Variants in SNTG1 observed in about 807,000 individuals in gnomAD.
SNTG1 encodes syntrophin gamma 1.
Under a neutral mutation model 74.7 loss-of-function variants are expected in SNTG1, and 39 were observed. The ratio of observed to expected loss-of-function variants is 0.52; its 90% CI spans 0.40 to 0.68. The LOEUF (loss-of-function observed/expected upper bound fraction) is 0.68. Ranked by LOEUF, SNTG1 falls within the 30% of genes least tolerant of loss-of-function variation. The probability of loss-of-function intolerance (pLI) is 0.00; values close to 1 mark genes in which losing one functional copy is unlikely to be tolerated. For synonymous variants in SNTG1, 254 were observed against 217.1 expected (o/e 1.17, Z -1.49); for missense variants, 685 against 609.5 (o/e 1.12, Z -1.30).
chr8:50,090,179 T>G (rs1207820709), intron 1 of SNTG1, among the ~76,000 whole-genome samples: 2 of 152,194 alleles, frequency 1.3e-5, no homozygotes, highest in East Asian at 1.9e-4. Context: ...GAGCAAAGTT[T>G]CAAATTTCAT....
chr8:50,657,135 G>A, intron 14 of SNTG1, 110 bp downstream of exon 14: 2 of 517,172 alleles, frequency 3.9e-6, no homozygotes, highest in Non-Finnish European at 6.5e-6. Context: ...AAATAATATA[G>A]AGAAAAAGTA....
chr8:50,285,814 CA>C (rs71235788), intron 2 of SNTG1, among the ~76,000 whole-genome samples: 99,025 of 133,896 alleles, frequency 0.74, 37,078 homozygotes, highest in East Asian at 0.87. Flanking sequence ...AATATATTTC[CA>C]AAAAAAAAAA....
At chr8:50,727,691 G>T (rs933143944) in intron 17 of SNTG1, among the ~76,000 whole-genome samples, 12 of 152,124 alleles carry the variant, frequency 7.9e-5, no homozygotes, top group African/African-American at 2.9e-4. Flanking sequence ...CCTCATTCTT[G>T]ATTGGCCCTG....
intron 1 of SNTG1, among the ~76,000 whole-genome samples, chr8:49,958,008 T>TA (rs1001668797): frequency 1.1e-4 from 16 of 150,740 alleles, no homozygotes; most frequent in East Asian, 9.7e-4. Context: ...GTCTAGCTCT[T>TA]AAAAAAAAAA....
At chr8:50,562,023 T>G (rs2094491508) in intron 12 of SNTG1, among the ~76,000 whole-genome samples, 1 of 152,212 alleles carries the variant, frequency 6.6e-6, no homozygotes, top group South Asian at 2.1e-4. Context: ...AAAAGATAAC[T>G]GTTCATACAT....
intron 1 of SNTG1, among the ~76,000 whole-genome samples, chr8:49,973,279 C>T (rs982802789): frequency 4.0e-5 from 6 of 151,674 alleles, no homozygotes; most frequent in Admixed American, 6.6e-5. Context: ...AACCAAACAC[C>T]GCATGTTCTC....
chr8:50,039,479 A>G lies in SNTG1; in HGVS notation c.-103+127248A>G, dbSNP rs1053246173. Among the ~76,000 whole-genome samples, 7 of 150,416 alleles carry G rather than the reference A, an allele frequency of 4.7e-5. No homozygotes were observed. The East Asian group carries it at 9.8e-4, about 21-fold the overall frequency. On this transcript the variant is annotated intron_variant, in intron 1 of 18. Coordinates refer to ENST00000642720, the MANE Select transcript of SNTG1 (RefSeq NM_018967.5). Reference sequence around the variant, plus strand: ...CAAAAAAAAAAAAAAAAAAAAAAAAAAAAACTCAAGTTAATTCCTAGGCCA... The same window carrying G: ...CAAAAAAAAAAAAAAAAAAAAAAAAGAAAACTCAAGTTAATTCCTAGGCCA...
intron 11 of SNTG1, 106 bp from the exon 12 acceptor site, chr8:50,552,944 G>T (rs2094435425): frequency 7.5e-7 from 1 of 1,333,642 alleles, no homozygotes. Context: ...TTTGGAGGCT[G>T]ATATTTATAT....
chr8:50,259,640 T>C (rs1043374614), intron 2 of SNTG1, among the ~76,000 whole-genome samples: 2 of 152,060 alleles, frequency 1.3e-5, no homozygotes, highest in African/African-American at 2.4e-5. Flanking sequence ...ACAATCCATC[T>C]TAAAAGAACG....
At chr8:50,672,461 T>C (rs1335257394) in intron 15 of SNTG1, among the ~76,000 whole-genome samples, 2 of 151,942 alleles carry the variant, frequency 1.3e-5, no homozygotes, top group Admixed American at 6.6e-5. Flanking sequence ...TTTTCACATG[T>C]TTTTGGCCAC....
chr8:49,952,984 T>C (rs997415189), intron 1 of SNTG1, among the ~76,000 whole-genome samples: 31 of 152,198 alleles, frequency 2.0e-4, no homozygotes, highest in African/African-American at 6.0e-4. Context: ...ATAAATTTGT[T>C]GCCTTCCATG....
chr8:50,666,870 A>G (rs2095253336), intron 15 of SNTG1, among the ~76,000 whole-genome samples: 2 of 152,026 alleles, frequency 1.3e-5, no homozygotes, highest in Non-Finnish European at 2.9e-5. Flanking sequence ...ATAATGTGTC[A>G]ATTTATTTAT....
At chr8:50,159,790 C>T (rs554864021) in intron 1 of SNTG1, among the ~76,000 whole-genome samples, 25 of 152,234 alleles carry the variant, frequency 1.6e-4, no homozygotes, top group African/African-American at 5.5e-4. Context: ...TCATTCTACC[C>T]TTATTCATTT....
chr8:50,094,105 T>G (rs960155204), intron 1 of SNTG1, among the ~76,000 whole-genome samples: 1 of 152,034 alleles, frequency 6.6e-6, no homozygotes, highest in Non-Finnish European at 1.5e-5. Context: ...TTTGCTGAAA[T>G]TATATGTGTG....
chr8:50,553,290 A>G, intron 12 of SNTG1, 111 bp downstream of exon 12: 2 of 1,367,632 alleles, frequency 1.5e-6, no homozygotes, highest in South Asian at 2.7e-5. Context: ...AGAATGAGAC[A>G]TTCATGAAAG....
intron 8 of SNTG1, among the ~76,000 whole-genome samples, chr8:50,462,304 T>G (rs1324519194): frequency 6.6e-6 from 1 of 150,434 alleles, no homozygotes; most frequent in Non-Finnish European, 1.5e-5. Flanking sequence ...TTCTTAAAAA[T>G]GTACATAACT....
chr8:49,988,147 A>G (rs1813347466), intron 1 of SNTG1, among the ~76,000 whole-genome samples: 1 of 152,170 alleles, frequency 6.6e-6, no homozygotes, highest in Non-Finnish European at 1.5e-5. Flanking sequence ...CTAACCAAGT[A>G]GCTAGAGAAA....
intron 1 of SNTG1, among the ~76,000 whole-genome samples, chr8:50,131,150 A>G (rs1237304547): frequency 6.6e-6 from 1 of 152,106 alleles, no homozygotes; most frequent in Non-Finnish European, 1.5e-5. Flanking sequence ...ATAATGTAAA[A>G]TATGTGTATT....
intron 2 of SNTG1, among the ~76,000 whole-genome samples, chr8:50,289,234 G>A (rs1331196759): frequency 6.6e-6 from 1 of 152,150 alleles, no homozygotes; most frequent in Non-Finnish European, 1.5e-5. Context: ...GCTATGTAAT[G>A]TTTATGTGGA....
Sources: allele counts gnomAD v4.1 joint callset (sites outside exome capture counted in the v4.1 genomes callset), GRCh38; gene constraint gnomAD v4.1.1; transcripts MANE v1.5; gene names NCBI Gene and HGNC (gene_info 2026-07-23, HGNC 2026-07-21).